Variants in DENND5B observed in about 807,000 individuals in gnomAD.
DENND5B encodes DENN domain containing 5B.
Under a neutral mutation model 140.6 loss-of-function variants are expected in DENND5B, and 34 were observed. The ratio of observed to expected loss-of-function variants is 0.24; its 90% CI spans 0.18 to 0.32. DENND5B has a LOEUF of 0.32. Ranked by LOEUF, DENND5B falls within the 10% of genes least tolerant of loss-of-function variation. The pLI, the probability that DENND5B is intolerant of heterozygous loss-of-function variation, is 1.00. For missense variants in DENND5B, 1,142 were observed against 1,560.2 expected (o/e 0.73, Z 4.52); for synonymous variants, 551 against 562.1 (o/e 0.98, Z 0.28).
chr12:31,498,987 AAAAG>A (rs1383820704), intron 1 of DENND5B, among the ~76,000 whole-genome samples: 3 of 146,432 alleles, frequency 2.0e-5, no homozygotes, highest in African/African-American at 5.5e-5. Flanking sequence ...AAAAAAAAAA[AAAAG>A]AGAATTTAGA....
At chr12:31,581,049 G>A (rs1328286705) in intron 1 of DENND5B, among the ~76,000 whole-genome samples, 1 of 152,150 alleles carries the variant, frequency 6.6e-6, no homozygotes, top group Non-Finnish European at 1.5e-5. Context: ...AGGCTGCAGT[G>A]AGCTGTGATT....
intron 1 of DENND5B, among the ~76,000 whole-genome samples, chr12:31,571,993 C>T (rs944651504): frequency 1.3e-5 from 2 of 152,070 alleles, no homozygotes; most frequent in South Asian, 2.1e-4. Flanking sequence ...GGGAGGCCAG[C>T]GCAGGTGGAT....
intron 1 of DENND5B, among the ~76,000 whole-genome samples, chr12:31,581,616 C>G (rs908899263): frequency 1.3e-5 from 2 of 149,150 alleles, no homozygotes; most frequent in Non-Finnish European, 3.0e-5. Flanking sequence ...TCGCTTGAAC[C>G]TGGGAGGCGC....
chr12:31,453,148 C>CT (rs1944616668), intron 4 of DENND5B, among the ~76,000 whole-genome samples: 1 of 152,108 alleles, frequency 6.6e-6, no homozygotes, highest in South Asian at 2.1e-4. Flanking sequence ...ACTAAACCTC[C>CT]TAGAGCAAAA....
intron 1 of DENND5B, among the ~76,000 whole-genome samples, chr12:31,561,529 GCTTA>G (rs1333326169): frequency 2.6e-5 from 4 of 152,128 alleles, no homozygotes; most frequent in African/African-American, 9.7e-5. Flanking sequence ...AGGAAAAGGG[GCTTA>G]CTTGAGACTT....
At chr12:31,529,036 C>T (rs1001259050) in intron 1 of DENND5B, among the ~76,000 whole-genome samples, 1 of 151,618 alleles carries the variant, frequency 6.6e-6, no homozygotes, top group Non-Finnish European at 1.5e-5. Context: ...GTGGCGGGTG[C>T]CTGTAATCCC....
chr12:31,451,004 A>G (rs7967832), intron 5 of DENND5B, among the ~76,000 whole-genome samples: 86,623 of 151,696 alleles, frequency 0.57, 25,179 homozygotes, highest in East Asian at 0.82. Context: ...TCTTTCCAAA[A>G]TCTTTGGAAT....
At chr12:31,568,674 G>C (rs2139379776) in intron 1 of DENND5B, among the ~76,000 whole-genome samples, 1 of 152,306 alleles carries the variant, frequency 6.6e-6, no homozygotes, top group South Asian at 2.1e-4. Flanking sequence ...GAAGTCAACA[G>C]TGCATAAAGG....
In DENND5B at chr12:31,424,477, A is replaced by T. The variant is rs897429802; in HGVS notation, c.2391+58T>A. ...TTAATGACATATTTGTCTCCTTGTT[A>T]CATTTCTTAACAGGGCTCTTAACTG... On this transcript the variant is annotated intron_variant, in intron 10 of 20. Transcript: ENST00000389082. The T allele has an allele frequency of 9.3e-6, 14 of 1,497,462 alleles. No individual in the cohort carries two copies. The African/African-American group carries it at 1.8e-4, about 20-fold the overall frequency. 92.8% of individuals were successfully genotyped at this position (1,497,462 alleles called of 1,614,324 possible).
At chr12:31,581,297 A>G (rs1459866914) in intron 1 of DENND5B, among the ~76,000 whole-genome samples, 2 of 152,212 alleles carry the variant, frequency 1.3e-5, no homozygotes, top group Non-Finnish European at 1.5e-5. Flanking sequence ...TCTAGAGATT[A>G]GTACAGTAAT....
intron 7 of DENND5B, among the ~76,000 whole-genome samples, chr12:31,438,881 A>G (rs920384128): frequency 1.4e-4 from 22 of 152,218 alleles, no homozygotes; most frequent in African/African-American, 5.3e-4. Flanking sequence ...ATAAACGAAA[A>G]GGAAGGCACA....
chr12:31,564,961 CACT>C (rs1176035214), intron 1 of DENND5B, among the ~76,000 whole-genome samples: 1 of 152,136 alleles, frequency 6.6e-6, no homozygotes, highest in Non-Finnish European at 1.5e-5. Flanking sequence ...AAATCCTGCA[CACT>C]ACTATTGCTT....
intron 3 of DENND5B, chr12:31,465,173 G>C (rs551841184): frequency 1.3e-5 from 2 of 152,392 alleles, no homozygotes; most frequent in African/African-American, 4.8e-5. Context: ...GGCAACAGAG[G>C]GGTCTAGGTC....
At chr12:31,449,437 A>C (rs374453445) in intron 5 of DENND5B, among the ~76,000 whole-genome samples, 8 of 152,252 alleles carry the variant, frequency 5.3e-5, no homozygotes, top group African/African-American at 1.9e-4. Flanking sequence ...TTTTAAAAAA[A>C]GTGGGCCAAA....
At chr12:31,456,329 CAAAAAA>C (rs56369582) in intron 4 of DENND5B, among the ~76,000 whole-genome samples, 3 of 121,642 alleles carry the variant, frequency 2.5e-5, no homozygotes, top group Non-Finnish European at 3.5e-5. Context: ...GACTCCGTCT[CAAAAAA>C]AAAAAAAAAA....
intron 3 of DENND5B, 86 bp downstream of exon 3, chr12:31,479,503 G>C: frequency 1.6e-6 from 2 of 1,248,284 alleles, no homozygotes; most frequent in Non-Finnish European, 2.1e-6. Context: ...TCATTATTCG[G>C]TTCTAATAAT....
At chr12:31,568,724 C>T (rs1166866537) in intron 1 of DENND5B, among the ~76,000 whole-genome samples, 1 of 152,188 alleles carries the variant, frequency 6.6e-6, no homozygotes. Context: ...GCTGGAGCCA[C>T]GTTCAAATTA....
chr12:31,589,618 C>A (rs1252247212), intron 1 of DENND5B, among the ~76,000 whole-genome samples: 2 of 150,640 alleles, frequency 1.3e-5, no homozygotes, highest in Non-Finnish European at 1.5e-5. Flanking sequence ...AAAGGAAAAG[C>A]GAAAAATTTA....
intron 5 of DENND5B, among the ~76,000 whole-genome samples, chr12:31,449,260 GTCT>G (rs1944404748): frequency 6.6e-6 from 1 of 152,158 alleles, no homozygotes; most frequent in Non-Finnish European, 1.5e-5. Context: ...AATTTAGGAG[GTCT>G]TCTTAAAATT....
Sources: gnomAD v4.1 joint callset for allele counts (sites outside exome capture counted in the v4.1 genomes callset) on GRCh38, gnomAD v4.1.1 for gene constraint, MANE v1.5 for transcripts, NCBI Gene and HGNC (gene_info 2026-07-23, HGNC 2026-07-21) for gene names.